CNTN6: variants seen among roughly 807,000 people sequenced by gnomAD.
CNTN6 encodes the protein contactin-6.
A neutral mutation model predicts 122.8 loss-of-function variants in CNTN6; 137 were observed. The observed-to-expected ratio is 1.12, with a 90% CI of 0.97 to 1.29. The LOEUF (loss-of-function observed/expected upper bound fraction) is 1.29. CNTN6 is among the 50% of genes most tolerant of loss of function. The probability of loss-of-function intolerance (pLI) is 0.00; values close to 1 mark genes in which losing one functional copy is unlikely to be tolerated. For missense variants in CNTN6, 1,634 were observed against 1,223.4 expected, an observed-to-expected ratio of 1.34 and a Z score of -5.01; for synonymous variants, 570 against 426.0, an observed-to-expected ratio of 1.34 and a Z score of -4.16.
intron 17 of CNTN6, among the ~76,000 whole-genome samples, chr3:1,382,735 A>AAACTT (rs1368291042): frequency 6.6e-6 from 1 of 152,196 alleles, no homozygotes; most frequent in East Asian, 1.9e-4. Context: ...TTCTATCTGA[A>AAACTT]AACTTAAACT....
In CNTN6 at chr3:1,220,720, A is replaced by T. The variant is rs1158478831; in HGVS notation, c.89A>T (p.Gln30Leu). The T allele has an allele frequency of 1.4e-5, 23 of 1,612,656 alleles. No homozygotes were observed. The highest frequency in any genetic ancestry group is 2.7e-5 in the African/African-American group (2 of 74,744). ...CTTTTAAGCCGTCCTATTTTTACTCAGGAGCCACATGATGTCATTTTTCCT... is the reference window on the plus strand; with the variant it reads ...CTTTTAAGCCGTCCTATTTTTACTCTGGAGCCACATGATGTCATTTTTCCT... ...DGLLSRPIFT[Q>L]EPHDVIFPLD... Residue 30 changes from glutamine (Q) to leucine (L), a missense_variant, in exon 3 of 23, where the codon CAG becomes CTG. Gln to Leu is a moderately radical substitution (Grantham distance 113, BLOSUM62 -2). Transcript: ENST00000446702.
At chr3:1,245,290 TATAAC>T (rs1370675683) in intron 4 of CNTN6, among the ~76,000 whole-genome samples, 62 of 6,048 alleles carry the variant, frequency 0.01, 3 homozygotes, top group Non-Finnish European at 0.015. Context: ...CACATATATA[TATAAC>T]ATATATATAT....
At chr3:1,143,473 AT>A (rs2092658531) in intron 1 of CNTN6, among the ~76,000 whole-genome samples, 1 of 152,070 alleles carries the variant, frequency 6.6e-6, no homozygotes, top group Admixed American at 6.6e-5. Flanking sequence ...TTATTACACC[AT>A]TTTGCCTCAA....
chr3:1,310,103 T>G (rs1334503206), intron 7 of CNTN6, among the ~76,000 whole-genome samples: 1 of 81,126 alleles, frequency 1.2e-5, no homozygotes, highest in Non-Finnish European at 2.0e-5. Flanking sequence ...TCTATATACA[T>G]TTTTTTTGCC....
chr3:1,359,129 A>G (rs538421580), intron 12 of CNTN6, among the ~76,000 whole-genome samples: 1 of 152,166 alleles, frequency 6.6e-6, no homozygotes, highest in Non-Finnish European at 1.5e-5. Flanking sequence ...TTACTATTGG[A>G]GAATAGTCTG....
chr3:1,287,417 C>A (rs1324805152), intron 5 of CNTN6, among the ~76,000 whole-genome samples: 2 of 152,076 alleles, frequency 1.3e-5, no homozygotes, highest in Admixed American at 1.3e-4. Context: ...CTGGTACAGC[C>A]CATCTCTTAC....
At chr3:1,292,900 A>G (rs2125852971) in intron 5 of CNTN6, among the ~76,000 whole-genome samples, 1 of 151,380 alleles carries the variant, frequency 6.6e-6, no homozygotes, top group South Asian at 2.1e-4. Flanking sequence ...GCATAAACAT[A>G]TCACACACAC....
intron 11 of CNTN6, among the ~76,000 whole-genome samples, chr3:1,336,606 G>C (rs1703104029): frequency 6.6e-6 from 1 of 152,102 alleles, no homozygotes; most frequent in Admixed American, 6.6e-5. Flanking sequence ...ATCAAATCAT[G>C]GATTCTGTGT....
chr3:1,301,561 C>G (rs1697422627), intron 7 of CNTN6, among the ~76,000 whole-genome samples: 1 of 152,016 alleles, frequency 6.6e-6, no homozygotes, highest in Non-Finnish European at 1.5e-5. Flanking sequence ...CAAACCATAC[C>G]TCATAGAAAA....
intron 1 of CNTN6, among the ~76,000 whole-genome samples, chr3:1,136,509 A>C (rs2092478918): frequency 6.6e-6 from 1 of 152,200 alleles, no homozygotes; most frequent in South Asian, 2.1e-4. Flanking sequence ...GAAATCCTGC[A>C]GGAAAGGAAC....
intron 7 of CNTN6, among the ~76,000 whole-genome samples, chr3:1,316,163 T>G (rs1700070992): frequency 6.6e-6 from 1 of 151,876 alleles, no homozygotes; most frequent in Non-Finnish European, 1.5e-5. Flanking sequence ...CTATGAATTG[T>G]GTACTATTAC....
intron 2 of CNTN6, among the ~76,000 whole-genome samples, chr3:1,160,494 G>A (rs2093106317): frequency 6.6e-6 from 1 of 150,726 alleles, no homozygotes; most frequent in Non-Finnish European, 1.5e-5. Flanking sequence ...CTCATTGCTG[G>A]GTAGTACATT....
intron 20 of CNTN6, among the ~76,000 whole-genome samples, chr3:1,396,851 C>G (rs1490791589): frequency 6.6e-6 from 1 of 152,178 alleles, no homozygotes; most frequent in East Asian, 1.9e-4. Flanking sequence ...GTAACTTTGA[C>G]TCTCCATGTC....
At chr3:1,237,742 T>C (rs2094439034) in intron 4 of CNTN6, among the ~76,000 whole-genome samples, 1 of 152,162 alleles carries the variant, frequency 6.6e-6, no homozygotes, top group Non-Finnish European at 1.5e-5. Flanking sequence ...TGGGATTCTA[T>C]TTTTAGCCTC....
chr3:1,265,073 G>A (rs979761639), intron 4 of CNTN6, among the ~76,000 whole-genome samples: 7 of 133,734 alleles, frequency 5.2e-5, no homozygotes, highest in Non-Finnish European at 9.9e-5. Context: ...TGGCTGGATA[G>A]GGATAGTATT....
intron 11 of CNTN6, among the ~76,000 whole-genome samples, chr3:1,345,921 AT>A (rs1382976396): frequency 6.6e-6 from 1 of 152,146 alleles, no homozygotes; most frequent in Non-Finnish European, 1.5e-5. Context: ...TAATCTAACT[AT>A]AAAAATAGCA....
intron 2 of CNTN6, among the ~76,000 whole-genome samples, chr3:1,197,581 A>C (rs1575196091): frequency 1.3e-5 from 2 of 152,322 alleles, no homozygotes; most frequent in South Asian, 4.1e-4. Flanking sequence ...TAGTGATGTA[A>C]GTCACACACA....
intron 1 of CNTN6, among the ~76,000 whole-genome samples, chr3:1,139,222 T>C (rs1463102034): frequency 2.6e-5 from 4 of 152,180 alleles, no homozygotes; most frequent in Admixed American, 2.0e-4. Context: ...TCTAGTCCTT[T>C]ATGGTCTTTT....
chr3:1,280,973 C>A (rs1693306984), intron 5 of CNTN6, among the ~76,000 whole-genome samples: 1 of 152,114 alleles, frequency 6.6e-6, no homozygotes, highest in African/African-American at 2.4e-5. Context: ...CACATTTAGT[C>A]CCTCGAACAT....
Sources: allele counts gnomAD v4.1 joint callset (sites outside exome capture counted in the v4.1 genomes callset), GRCh38; gene constraint gnomAD v4.1.1; transcripts MANE v1.5; gene names NCBI Gene and HGNC (gene_info 2026-07-23, HGNC 2026-07-21).